The following DNAH5 variants were observed in gnomAD, a reference collection of about 807,000 sequenced individuals.
The protein encoded by DNAH5 is axonemal beta dynein heavy chain 5.
A neutral mutation model predicts 518.2 loss-of-function variants in DNAH5; 372 were observed. The ratio of observed to expected loss-of-function variants is 0.72; its 90% CI spans 0.66 to 0.78. The LOEUF (loss-of-function observed/expected upper bound fraction) is 0.78. Ranked by LOEUF, DNAH5 falls within the 30% of genes least tolerant of loss-of-function variation. DNAH5 has a pLI of 0.00. For missense variants in DNAH5, 5,523 were observed against 5,687.0 expected (o/e 0.97, Z 0.93); for synonymous variants, 2,039 against 2,025.9 (o/e 1.01, Z -0.17).
At chr5:13,959,564 G>T (rs1449195960) in intron 1 of DNAH5, among the ~76,000 whole-genome samples, 1 of 152,170 alleles carries the variant, frequency 6.6e-6, no homozygotes, top group Admixed American at 6.5e-5. Context: ...AAAAGGATTG[G>T]GGCCACCAAG....
chr5:13,776,906 G>A (rs1313328334), intron 54 of DNAH5, among the ~76,000 whole-genome samples, 200 bp from the exon 55 acceptor site: 6 of 152,074 alleles, frequency 3.9e-5, no homozygotes, highest in Non-Finnish European at 7.4e-5. Context: ...TTGTAGCCCC[G>A]GAAAGGAGTA....
intron 32 of DNAH5, among the ~76,000 whole-genome samples, chr5:13,842,250 G>T (rs1032983755): frequency 2.0e-5 from 3 of 151,498 alleles, no homozygotes; most frequent in Non-Finnish European, 4.4e-5. Context: ...CATGGTGGTG[G>T]GCGCCTATAA....
At chr5:13,766,874 G>A (rs1175547066) in intron 58 of DNAH5, among the ~76,000 whole-genome samples, 2 of 152,172 alleles carry the variant, frequency 1.3e-5, no homozygotes, top group African/African-American at 4.8e-5. Flanking sequence ...TTGAAAAAGT[G>A]TTAAATGTAA....
chr5:13,764,659 G>A (rs1402321053), intron 59 of DNAH5, among the ~76,000 whole-genome samples: 11 of 152,186 alleles, frequency 7.2e-5, no homozygotes, highest in Non-Finnish European at 1.5e-5. Flanking sequence ...CTGATTAAAT[G>A]TGTATAACCA....
At chr5:13,878,574 A>C (rs1404727544) in intron 21 of DNAH5, among the ~76,000 whole-genome samples, 1 of 152,192 alleles carries the variant, frequency 6.6e-6, no homozygotes, top group African/African-American at 2.4e-5. Flanking sequence ...TGATAAGCCT[A>C]GGCCTAGCCA....
At chr5:13,792,541 AGTTTTTATAAGTCCT>A (rs1757162417) in intron 49 of DNAH5, among the ~76,000 whole-genome samples, 1 of 152,212 alleles carries the variant, frequency 6.6e-6, no homozygotes, top group Admixed American at 6.5e-5. Flanking sequence ...ATAAGAAAAA[AGTTTTTATAAGTCCT>A]CTAAGGTTTC....
chr5:13,754,250 C>T lies in DNAH5; in HGVS notation c.10508G>A (p.Trp3503Ter), dbSNP rs777987305. ...AGCAAACTCTTGGCTTTGCTCTGTC[C>T]ATCTTTCTTTTTCACCTGCCAAGCC... ...ISGLAGEKER[W>*]TEQSQEFAAQ... Residue 3503 changes from tryptophan to a stop codon, truncating the protein, a stop_gained, in exon 62 of 79, where the codon TGG becomes TAG. Coordinates refer to ENST00000265104, the MANE Select transcript of DNAH5 (RefSeq NM_001369.3). LOFTEE classifies it high-confidence loss of function. 1.2e-6 allele frequency: 2 copies of T among 1,614,030 alleles called. No individual in the cohort carries two copies. The highest frequency in any genetic ancestry group is 2.2e-5 in the South Asian group (2 of 91,084).
chr5:13,727,185 T>C lies in DNAH5; in HGVS notation c.12033+322A>G, dbSNP rs963839734. On this transcript the variant is annotated intron_variant, in intron 70 of 78. Transcript: ENST00000265104. ...CAAAATGGAGCAGCCATATAATCTT[T>C]GATTGAATATAAAATGATATAAAAG... Among the ~76,000 whole-genome samples the C allele has an allele frequency of 2.6e-5, 4 of 152,180 alleles. No homozygotes were observed. The South Asian group carries it at 8.3e-4, about 32-fold the overall frequency.
intron 2 of DNAH5, 129 bp downstream of exon 2, chr5:13,930,981 A>C (rs1778357041): frequency 3.6e-6 from 5 of 1,386,018 alleles, no homozygotes; most frequent in Non-Finnish European, 5.1e-6. Flanking sequence ...CAGAGTCAGA[A>C]TGGAGCCCTG....
intron 30 of DNAH5, among the ~76,000 whole-genome samples, chr5:13,854,372 C>G (rs1767304875): frequency 6.6e-6 from 1 of 152,078 alleles, no homozygotes; most frequent in Non-Finnish European, 1.5e-5. Flanking sequence ...GAAGGAAGCA[C>G]TAAATACAGA....
chr5:14,010,586 G>T (rs1785046264), intron 1 of DNAH5, among the ~76,000 whole-genome samples: 2 of 152,030 alleles, frequency 1.3e-5, no homozygotes, highest in South Asian at 4.2e-4. Flanking sequence ...ACAGTCACTT[G>T]AAATACTAAA....
chr5:13,763,101 G>C (rs576505439), intron 59 of DNAH5, among the ~76,000 whole-genome samples, 200 bp from the exon 60 acceptor site: 1 of 152,332 alleles, frequency 6.6e-6, no homozygotes, highest in South Asian at 2.1e-4. Flanking sequence ...AAGTCTGTTA[G>C]AGTACACTTT....
chr5:13,972,674 G>A (rs1781960361), intron 1 of DNAH5, among the ~76,000 whole-genome samples: 2 of 152,178 alleles, frequency 1.3e-5, no homozygotes, highest in South Asian at 4.1e-4. Context: ...TGGGCACTCG[G>A]AGTTTCTCAG....
chr5:13,943,150 G>T (rs1169348851), intron 1 of DNAH5, among the ~76,000 whole-genome samples: 2 of 152,146 alleles, frequency 1.3e-5, no homozygotes, highest in Non-Finnish European at 2.9e-5. Flanking sequence ...ATCAATTGTG[G>T]TGTTTCAGAC....
chr5:13,809,061 T>C lies in DNAH5; in HGVS notation c.7735A>G (p.Ile2579Val), dbSNP rs780288410. 7 of 1,614,228 alleles carry C rather than the reference T, an allele frequency of 4.3e-6. No homozygotes were observed. The Middle Eastern group carries it at 4.9e-4, about 114-fold the overall frequency. ...AGTCATACCTTGCCCTGTTTAGCAA[T>C]GGTTTGAATTAGAAAGTCAGTCCTC... ...NVRTDFLIQT[I>V]AKQGKAVLLI... Residue 2579 changes from isoleucine (I) to valine (V), a missense_variant, in exon 46 of 79, where the codon ATT becomes GTT. Transcript: ENST00000265104.
chr5:13,812,815 T>C (rs1760894947), intron 43 of DNAH5, among the ~76,000 whole-genome samples: 1 of 152,216 alleles, frequency 6.6e-6, no homozygotes, highest in African/African-American at 2.4e-5. Flanking sequence ...AGGCAAGTTC[T>C]CTTAAGGTCA....
At chr5:13,827,689 G>T (rs530354741) in intron 38 of DNAH5, among the ~76,000 whole-genome samples, 2 of 151,710 alleles carry the variant, frequency 1.3e-5, no homozygotes, top group Admixed American at 1.3e-4. Flanking sequence ...ATCTTGAAGG[G>T]GCCAGGGGCA....
At chr5:13,814,179 TA>T (rs1412336804) in intron 43 of DNAH5, among the ~76,000 whole-genome samples, 1 of 152,224 alleles carries the variant, frequency 6.6e-6, no homozygotes, top group African/African-American at 2.4e-5. Flanking sequence ...ATGAATCTCA[TA>T]AAAATTCCTT....
chr5:13,871,737 T>A lies in DNAH5; in HGVS notation c.3425A>T (p.Lys1142Ile), dbSNP rs1193148568. ...KEVITSMDCF[K>I]RYNHIWQKGK... Reference sequence around the variant, plus strand: ...CTTTTGCCAAATGTGATTGTAGCGTTTGAAGCAATCCATGGATGTAATAAC... The same window carrying A: ...CTTTTGCCAAATGTGATTGTAGCGTATGAAGCAATCCATGGATGTAATAAC... The change falls in exon 23 of 79, where the codon AAA (lysine) becomes ATA (isoleucine). Residue 1142 changes from lysine (K) to isoleucine (I), a missense_variant. This residue lies in a region of DNAH5 where 5,121 missense variants were observed against 5,223.3 expected (regional missense o/e 0.98). Coordinates refer to ENST00000265104, the MANE Select transcript of DNAH5 (RefSeq NM_001369.3). 1 of 1,613,600 alleles carries A rather than the reference T, an allele frequency of 6.2e-7. No individual in the cohort carries two copies. Among genetic ancestry groups the A allele is most frequent in the East Asian group, 2.2e-5 (1 of 44,876 alleles).
Sources: allele counts gnomAD v4.1 joint callset (sites outside exome capture counted in the v4.1 genomes callset), GRCh38; gene constraint gnomAD v4.1.1; regional missense constraint gnomAD v4.1.1; transcripts MANE v1.5; gene names NCBI Gene and HGNC (gene_info 2026-07-23, HGNC 2026-07-21).